TRAF3IP1: variants seen among roughly 807,000 people sequenced by gnomAD.
TRAF3IP1 encodes TRAF3-interacting protein 1.
In TRAF3IP1, 53 loss-of-function variants were observed where a neutral mutation model predicts 89.9. That is an observed-to-expected ratio of 0.59 (90% confidence interval 0.47 to 0.74). The LOEUF (loss-of-function observed/expected upper bound fraction) is 0.74. TRAF3IP1 is among the 30% of genes least tolerant of loss of function. The pLI is 0.00. For missense variants in TRAF3IP1, 806 were observed against 866.1 expected (o/e 0.93, Z 0.87); for synonymous variants, 311 against 322.1 (o/e 0.97, Z 0.37).
chr2:238,371,090 A>T (rs1700092909), intron 15 of TRAF3IP1, among the ~76,000 whole-genome samples: 1 of 152,208 alleles, frequency 6.6e-6, no homozygotes, highest in Non-Finnish European at 1.5e-5. Context: ...ATAAGAACGA[A>T]GTTTACTAGC....
chr2:238,328,621 C>A (rs1697954934), intron 3 of TRAF3IP1, 65 bp from the exon 4 acceptor site: 1 of 1,542,982 alleles, frequency 6.5e-7, no homozygotes, highest in Non-Finnish European at 8.8e-7. Flanking sequence ...TGGCGATGTT[C>A]TATTTGTTAC....
intron 15 of TRAF3IP1, among the ~76,000 whole-genome samples, chr2:238,371,584 AAGGAAAGCCTG>A (rs1343222106): frequency 6.6e-6 from 1 of 152,246 alleles, no homozygotes; most frequent in Non-Finnish European, 1.5e-5. Context: ...ACCTAAGCCT[AAGGAAAGCCTG>A]AGTGTGGGCC....
intron 15 of TRAF3IP1, 144 bp from the exon 16 acceptor site, chr2:238,397,315 C>T: frequency 1.5e-6 from 1 of 669,238 alleles, no homozygotes; most frequent in Non-Finnish European, 2.6e-6. Context: ...TCTCCCTTTG[C>T]ATGGGAGTGA....
intron 15 of TRAF3IP1, among the ~76,000 whole-genome samples, chr2:238,369,749 C>T (rs566133360): frequency 6.6e-6 from 1 of 152,306 alleles, no homozygotes; most frequent in South Asian, 2.1e-4. Context: ...CGCTCCTTTT[C>T]TCTTTGTAAT....
chr2:238,392,844 G>A (rs751217346), intron 15 of TRAF3IP1, among the ~76,000 whole-genome samples: 1 of 152,202 alleles, frequency 6.6e-6, no homozygotes, highest in African/African-American at 2.4e-5. Context: ...CCAAAGTGCT[G>A]GGATTGCAGG....
intron 15 of TRAF3IP1, among the ~76,000 whole-genome samples, chr2:238,394,217 G>C (rs1212900333): frequency 1.3e-5 from 2 of 152,144 alleles, no homozygotes; most frequent in South Asian, 4.1e-4. Flanking sequence ...TTGAAATTGG[G>C]TAGACTGGTT....
chr2:238,378,612 TGAGAGA>T (rs142416383), intron 15 of TRAF3IP1, among the ~76,000 whole-genome samples: 5 of 149,964 alleles, frequency 3.3e-5, no homozygotes, highest in Non-Finnish European at 5.9e-5. Context: ...GCCTGGAGTT[TGAGAGA>T]GAGAGAGAGA....
Position 238,347,485 on chromosome 2 carries a change from G to A in TRAF3IP1, c.1282+10G>A, listed in dbSNP as rs779585551. On this transcript the variant is annotated intron_variant, in intron 10 of 16. Transcript: ENST00000373327. ...TCCACCAGTGATGCAGGTGAGGAAT[G>A]GCCTTAGATACCTGTGTGTCATATC... The A allele has an allele frequency of 8.1e-6, 13 of 1,613,878 alleles. No homozygotes were observed. The Admixed American group carries it at 1.8e-4, about 23-fold the overall frequency.
intron 15 of TRAF3IP1, among the ~76,000 whole-genome samples, 185 bp downstream of exon 15, chr2:238,356,265 C>T (rs1001573034): frequency 1.3e-5 from 2 of 152,202 alleles, no homozygotes; most frequent in Admixed American, 6.5e-5. Flanking sequence ...GGGAGGCCAG[C>T]GCAGACAGCT....
intron 8 of TRAF3IP1, among the ~76,000 whole-genome samples, chr2:238,342,620 C>T (rs1559365305): frequency 6.6e-6 from 1 of 152,154 alleles, no homozygotes; most frequent in South Asian, 2.1e-4. Context: ...AAGTACACAA[C>T]TTAAAATTAT....
At chr2:238,396,754 T>A (rs368534890) in intron 15 of TRAF3IP1, among the ~76,000 whole-genome samples, 1 of 152,090 alleles carries the variant, frequency 6.6e-6, no homozygotes, top group East Asian at 1.9e-4. Context: ...CCTCCTCACC[T>A]CCTTCACCTG....
rs1473533411 is a variant in TRAF3IP1, at chr2:238,379,708, G to GT, written c.1690-17750dup. Among the ~76,000 whole-genome samples, 1 of 152,158 alleles carries GT rather than the reference G, an allele frequency of 6.6e-6. No individual in the cohort carries two copies. The highest frequency in any genetic ancestry group is 1.5e-5 in the Non-Finnish European group (1 of 68,042). On this transcript the variant is annotated intron_variant, in intron 15 of 16. Transcript: ENST00000373327. The surrounding 1 kb of genome is among the most constrained non-coding windows in gnomAD (Gnocchi z 4.0). ...AGTTCAGTGGGTCTCTTGTTGCCCA[G>GT]TAACTACCTTTTATAGCTGGTATTT... is the stretch of plus-strand genomic sequence containing the variant.
intron 15 of TRAF3IP1, among the ~76,000 whole-genome samples, chr2:238,361,087 C>T (rs1699637495): frequency 6.6e-6 from 1 of 150,986 alleles, no homozygotes; most frequent in South Asian, 2.1e-4. Context: ...GCTCTGTTGC[C>T]CAGGCTGGAG....
At chr2:238,370,594 A>G (rs1203272972) in intron 15 of TRAF3IP1, among the ~76,000 whole-genome samples, 2 of 152,030 alleles carry the variant, frequency 1.3e-5, no homozygotes, top group Admixed American at 6.6e-5. Context: ...CCTAGTGTAC[A>G]TGCTTCCCTG....
chr2:238,353,427 G>A (rs1157772118), intron 14 of TRAF3IP1, among the ~76,000 whole-genome samples: 1 of 152,124 alleles, frequency 6.6e-6, no homozygotes, highest in Non-Finnish European at 1.5e-5. Context: ...GGAGGGGGAG[G>A]GCACAGTTGG....
In TRAF3IP1 at chr2:238,351,903, ATG is replaced by A. The variant is rs1312112482; in HGVS notation, c.1452-923_1452-922del. On this transcript the variant is annotated intron_variant, in intron 12 of 16. Transcript: ENST00000373327. This position sits in a 1 kb window ranked among gnomAD's most constrained non-coding sequence, Gnocchi z 5.2. ...CGTGTGCGTGCATGTGCTTGTGTGT[ATG>A]CGTGTGTGTGTGTGTGTGTGTGTAT... 3.7e-5 allele frequency among the ~76,000 whole-genome samples: 5 copies of A among 133,532 alleles called. No homozygotes were observed. The highest frequency in any genetic ancestry group is 6.5e-5 in the Non-Finnish European group (4 of 61,112). The allele number at this position is 133,532 out of a possible 152,430, so 87.6% of individuals were successfully genotyped here. A position where few individuals can be genotyped will look rare whatever the true frequency, so the allele number is the denominator to read the frequency against.
At chr2:238,347,185 C>T (rs993591257) in intron 9 of TRAF3IP1, 10 of 404,392 alleles carry the variant, frequency 2.5e-5, no homozygotes, top group African/African-American at 8.3e-5. Flanking sequence ...ACTTCCTCTC[C>T]GATGTGCTTT....
chr2:238,397,160 G>A (rs949810450), intron 15 of TRAF3IP1, among the ~76,000 whole-genome samples: 1 of 152,208 alleles, frequency 6.6e-6, no homozygotes, highest in African/African-American at 2.4e-5. Flanking sequence ...AAATCTGCCT[G>A]TATAGAGATT....
chr2:238,382,192 A>T (rs749978583), intron 15 of TRAF3IP1, among the ~76,000 whole-genome samples: 11 of 152,280 alleles, frequency 7.2e-5, no homozygotes, highest in South Asian at 2.1e-4. Flanking sequence ...CATAAGGAGG[A>T]TACGAAAACA....
Sources: allele counts gnomAD v4.1 joint callset (sites outside exome capture counted in the v4.1 genomes callset), GRCh38; gene constraint gnomAD v4.1.1; non-coding constraint Gnocchi (gnomAD v3.1); transcripts MANE v1.5; gene names NCBI Gene and HGNC (gene_info 2026-07-23, HGNC 2026-07-21).